EPB41L5: variants seen among roughly 807,000 people sequenced by gnomAD.
EPB41L5 encodes the protein band 4.1-like protein 5.
EPB41L5 carries 55 observed loss-of-function variants against 106.6 expected under a neutral mutation model. The observed-to-expected ratio is 0.52, with a 90% CI of 0.42 to 0.65. The LOEUF (loss-of-function observed/expected upper bound fraction) is 0.65, where lower values mean the gene tolerates loss of function less well. Ranked by LOEUF, EPB41L5 falls within the 30% of genes least tolerant of loss-of-function variation. The probability of loss-of-function intolerance (pLI) is 0.00; values close to 1 mark genes in which losing one functional copy is unlikely to be tolerated. For synonymous variants in EPB41L5, 297 were observed against 306.7 expected (o/e 0.97, Z 0.33); for missense variants, 871 against 882.1 (o/e 0.99, Z 0.16).
In EPB41L5 at chr2:120,045,821, C is replaced by G. The variant is rs111306839; in HGVS notation, c.285+3711C>G. The stretch of plus-strand genomic sequence containing the variant: ...CTAATGCTATCCCTCCCCCGTCCCC[C>G]CCTCAATGACAGGCCCTGGTGTGTG... On this transcript the variant is annotated intron_variant, in intron 3 of 24. Transcript: ENST00000263713. 2.9e-3 allele frequency among the ~76,000 whole-genome samples: 446 copies of G among 151,834 alleles called. 1 individual carries two copies. The highest frequency in any genetic ancestry group is 8.7e-3 in the African/African-American group (361 of 41,372).
chr2:120,155,676 A>C (rs968129220), intron 20 of EPB41L5, among the ~76,000 whole-genome samples: 1 of 151,708 alleles, frequency 6.6e-6, no homozygotes, highest in Non-Finnish European at 1.5e-5. Context: ...AGCTCTGCTC[A>C]TTTTTTTCAT....
intron 3 of EPB41L5, among the ~76,000 whole-genome samples, chr2:120,058,561 G>A (rs916156698): frequency 3.3e-5 from 5 of 152,110 alleles, no homozygotes; most frequent in African/African-American, 9.7e-5. Flanking sequence ...AGACTGTAGA[G>A]GATCAAAAAG....
chr2:120,090,331 T>C lies in EPB41L5; in HGVS notation c.874-16T>C. ...GAATTAGTAATCATCCTTTTATATATACTTTTCTTTTTCAGGGCAAAGAAC... is the reference window on the plus strand; with the variant it reads ...GAATTAGTAATCATCCTTTTATATACACTTTTCTTTTTCAGGGCAAAGAAC... On this transcript the variant is annotated splice_polypyrimidine_tract_variant and intron_variant, in intron 11 of 24. Coordinates refer to ENST00000263713, the MANE Select transcript of EPB41L5 (RefSeq NM_020909.4). The C allele has an allele frequency of 6.3e-7, 1 of 1,580,894 alleles. No homozygotes were observed. Among genetic ancestry groups the C allele is most frequent in the Non-Finnish European group, 8.6e-7 (1 of 1,165,992 alleles).
chr2:120,024,345 A>G (rs1024012624), intron 2 of EPB41L5, among the ~76,000 whole-genome samples: 1 of 152,208 alleles, frequency 6.6e-6, no homozygotes, highest in African/African-American at 2.4e-5. Context: ...TTATTTTAAG[A>G]TACGTTCCAT....
At chr2:120,033,281 G>A (rs1042233695) in intron 2 of EPB41L5, among the ~76,000 whole-genome samples, 9 of 152,162 alleles carry the variant, frequency 5.9e-5, no homozygotes, top group Non-Finnish European at 1.3e-4. Flanking sequence ...TTATTTTCAT[G>A]AAATGGTATA....
At chr2:120,115,252 A>G (rs946527219) in intron 16 of EPB41L5, among the ~76,000 whole-genome samples, 39 of 152,118 alleles carry the variant, frequency 2.6e-4, no homozygotes, top group African/African-American at 9.2e-4. Flanking sequence ...ATTTACATTC[A>G]GTGTACTTAC....
intron 11 of EPB41L5, among the ~76,000 whole-genome samples, chr2:120,088,537 A>G (rs1683214339): frequency 1.3e-5 from 2 of 152,162 alleles, no homozygotes; most frequent in Admixed American, 6.5e-5. Context: ...ATAAACCACC[A>G]TGACACGTGT....
Position 120,167,448 on chromosome 2 carries a change from C to A in EPB41L5, c.1963-18C>A. 2 of 1,603,868 alleles carry A rather than the reference C, an allele frequency of 1.2e-6. No individual in the cohort carries two copies. Among genetic ancestry groups the A allele is most frequent in the Non-Finnish European group, 1.7e-6 (2 of 1,170,972 alleles). On this transcript the variant is annotated intron_variant, in intron 22 of 24. Coordinates refer to ENST00000263713, the MANE Select transcript of EPB41L5 (RefSeq NM_020909.4). The stretch of plus-strand genomic sequence containing the variant: ...AGTCTTTCCAAAAAGTAAATACATA[C>A]ATATAAAATTATTTCAGGTGTCTTC...
intron 3 of EPB41L5, among the ~76,000 whole-genome samples, chr2:120,053,631 G>C (rs577805268): frequency 2.6e-5 from 4 of 152,142 alleles, no homozygotes; most frequent in African/African-American, 9.7e-5. Flanking sequence ...TGTTTTCATG[G>C]TTCATCCGTG....
chr2:120,079,210 G>A (rs576234973), intron 10 of EPB41L5, among the ~76,000 whole-genome samples: 8 of 152,122 alleles, frequency 5.3e-5, no homozygotes, highest in Admixed American at 1.3e-4. Context: ...GACTGTTAGC[G>A]CAAAGACCTC....
chr2:120,160,082 G>T (rs1335171651), intron 20 of EPB41L5, among the ~76,000 whole-genome samples: 1 of 152,160 alleles, frequency 6.6e-6, no homozygotes, highest in African/African-American at 2.4e-5. Flanking sequence ...GAGCACAGGA[G>T]GAGGGAGAGG....
intron 16 of EPB41L5, among the ~76,000 whole-genome samples, chr2:120,109,110 C>T (rs1197530932): frequency 2.0e-5 from 3 of 152,120 alleles, no homozygotes; most frequent in African/African-American, 7.2e-5. Context: ...AGCCACTTAT[C>T]ATTATGCCTT....
At chr2:120,116,883 C>G (rs1205055436) in intron 16 of EPB41L5, among the ~76,000 whole-genome samples, 2 of 152,060 alleles carry the variant, frequency 1.3e-5, no homozygotes, top group African/African-American at 4.8e-5. Context: ...TCAAAATACA[C>G]TAGTGTGTTT....
chr2:120,132,570 A>G (rs546336495), intron 18 of EPB41L5, among the ~76,000 whole-genome samples: 51 of 152,304 alleles, frequency 3.3e-4, no homozygotes, highest in African/African-American at 1.2e-3. Flanking sequence ...TCGGGATCCA[A>G]GCCTTTTTTT....
At chr2:120,159,131 A>G (rs1687023605) in intron 20 of EPB41L5, among the ~76,000 whole-genome samples, 2 of 152,158 alleles carry the variant, frequency 1.3e-5, no homozygotes, top group African/African-American at 4.8e-5. Context: ...GCCCATGGAT[A>G]GAATCAATAT....
intron 7 of EPB41L5, among the ~76,000 whole-genome samples, chr2:120,076,237 T>A (rs1367568333): frequency 1.3e-5 from 2 of 152,184 alleles, no homozygotes; most frequent in Non-Finnish European, 2.9e-5. Context: ...TTAATAATTT[T>A]AAAATTTTGG....
At chr2:120,119,483 T>G (rs1319702435) in intron 16 of EPB41L5, among the ~76,000 whole-genome samples, 1 of 152,152 alleles carries the variant, frequency 6.6e-6, no homozygotes, top group Non-Finnish European at 1.5e-5. Flanking sequence ...TTTTTATAGT[T>G]TTCGGTTTTA....
intron 21 of EPB41L5, among the ~76,000 whole-genome samples, chr2:120,164,202 C>T (rs1312379488): frequency 9.3e-5 from 14 of 151,214 alleles, no homozygotes; most frequent in African/African-American, 2.4e-4. Flanking sequence ...CAGGAGTGCC[C>T]GGCTGTATTT....
intron 14 of EPB41L5, among the ~76,000 whole-genome samples, chr2:120,099,955 C>G (rs1046248776): frequency 5.9e-5 from 9 of 152,072 alleles, no homozygotes; most frequent in Non-Finnish European, 1.3e-4. Context: ...TAGCTGTTGT[C>G]CAATGAATAA....
Sources: gnomAD v4.1 joint callset for allele counts (sites outside exome capture counted in the v4.1 genomes callset) on GRCh38, gnomAD v4.1.1 for gene constraint, MANE v1.5 for transcripts, NCBI Gene and HGNC (gene_info 2026-07-23, HGNC 2026-07-21) for gene names.